The following CAPN10 variants were observed in gnomAD, a reference collection of about 807,000 sequenced individuals.
The protein encoded by CAPN10 is calpain-10.
A neutral mutation model predicts 78.4 loss-of-function variants in CAPN10; 71 were observed. The observed-to-expected ratio is 0.91, with a 90% CI of 0.75 to 1.10. The LOEUF (loss-of-function observed/expected upper bound fraction) is 1.10, where lower values mean the gene tolerates loss of function less well. Among genes scored for constraint, CAPN10 ranks in the 50% least tolerant of loss-of-function variants. The pLI, the probability that CAPN10 is intolerant of heterozygous loss-of-function variation, is 0.00. For missense variants in CAPN10, 849 were observed against 924.6 expected (o/e 0.92, Z 1.06); for synonymous variants, 437 against 407.2 (o/e 1.07, Z -0.88).
At chr2:240,589,729 C>T in intron 2 of CAPN10, 1 of 461,482 alleles carries the variant, frequency 2.2e-6, no homozygotes, top group Non-Finnish European at 3.8e-6. Flanking sequence ...TCTCCTGACC[C>T]CCGGACTCCA....
chr2:240,594,268 A>T, intron 5 of CAPN10: 1 of 586,114 alleles, frequency 1.7e-6, no homozygotes. Flanking sequence ...AATAGGGCAG[A>T]CATCATCACG....
chr2:240,589,604 A>G, intron 2 of CAPN10, 130 bp downstream of exon 2: 1 of 1,199,708 alleles, frequency 8.3e-7, no homozygotes, highest in Non-Finnish European at 1.1e-6. Flanking sequence ...TGTTGGGGGA[A>G]GGCAGGAGAG....
Position 240,598,515 on chromosome 2 carries a change from TC to T in CAPN10, c.1989+120del, listed in dbSNP as rs1406067491. On this transcript the variant is annotated intron_variant, in intron 11 of 11. Coordinates refer to ENST00000391984, the MANE Select transcript of CAPN10 (RefSeq NM_023083.4). ...TGGGACGTGAGGTGCCCTTGACTCT[TC>T]CTGTGAGAGCCCCGGGCGGTGCCTT... The T allele has an allele frequency of 4.8e-6, 7 of 1,453,454 alleles. No individual in the cohort carries two copies. The Admixed American group carries it at 9.2e-5, about 19-fold the overall frequency. 90.0% of individuals were successfully genotyped at this position (1,453,454 alleles called of 1,614,324 possible).
At chr2:240,588,469 G>A (rs1042100695) in intron 1 of CAPN10, among the ~76,000 whole-genome samples, 4 of 152,184 alleles carry the variant, frequency 2.6e-5, no homozygotes, top group Admixed American at 1.3e-4. Context: ...GAGGACACCC[G>A]GGGAGCATGC....
intron 4 of CAPN10, among the ~76,000 whole-genome samples, chr2:240,593,449 C>T (rs111666715): frequency 2.0e-5 from 3 of 152,246 alleles, no homozygotes; most frequent in Admixed American, 6.5e-5. Context: ...CTGTTGCCCC[C>T]CTGGGCCTCC....
intron 9 of CAPN10, among the ~76,000 whole-genome samples, chr2:240,597,263 CG>C (rs770299027): frequency 4.0e-4 from 61 of 152,180 alleles, no homozygotes; most frequent in Non-Finnish European, 1.9e-4. Context: ...TTGAGACCAG[CG>C]GGGGTGGGTC....
In CAPN10 at chr2:240,594,715, G is replaced by A. The variant is rs773159070; in HGVS notation, c.997+6G>A. 2 of 1,610,128 alleles carry A rather than the reference G, an allele frequency of 1.2e-6. No homozygotes were observed. Among genetic ancestry groups the A allele is most frequent in the Non-Finnish European group, 8.5e-7 (1 of 1,177,696 alleles). On this transcript the variant is annotated splice_donor_region_variant and intron_variant, in intron 6 of 11. Transcript: ENST00000391984. The stretch of plus-strand genomic sequence containing the variant: ...CCTGCAGAGCCTCTACACAGGTAGT[G>A]CCCCGAGGGGCTGTGCTGGGCACGT...
At position 240,594,387 on chromosome 2, in the gene CAPN10, G is replaced by C. The variant is rs1185498835; in HGVS notation, c.831-156G>C. On this transcript the variant is annotated intron_variant, in intron 5 of 11. Coordinates refer to ENST00000391984, the MANE Select transcript of CAPN10 (RefSeq NM_023083.4). ...CCAGAAGGCCCTGTGCTGCAGAGCT[G>C]CTTCGGGTGTGGGAGGGGCTGCAGA... 6.5e-6 allele frequency: 5 copies of C among 763,984 alleles called. No homozygotes were observed. The Admixed American group carries it at 6.9e-5, about 11-fold the overall frequency. The allele number at this position is 763,984 out of a possible 1,614,324, so 47.3% of individuals were successfully genotyped here.
At chr2:240,590,579 C>T (rs1203379427) in intron 2 of CAPN10, 10 of 506,234 alleles carry the variant, frequency 2.0e-5, no homozygotes, top group East Asian at 3.3e-5. Flanking sequence ...GAGTTCTCTG[C>T]GACATCCAGG....
At chr2:240,598,196 TCTGTCCTGGCAGACCAGGG>T (rs1158794576) in intron 10 of CAPN10, 109 bp downstream of exon 10, 1 of 1,332,554 alleles carries the variant, frequency 7.5e-7, no homozygotes, top group African/African-American at 1.5e-5. Flanking sequence ...CAAGCCCCTA[TCTGTCCTGGCAGACCAGGG>T]CTGTCCTGCC....
In CAPN10 at chr2:240,592,169, A is replaced by G; in HGVS notation, c.688+19A>G. The G allele has an allele frequency of 6.5e-7, 1 of 1,546,218 alleles. No homozygotes were observed. Among genetic ancestry groups the G allele is most frequent in the Non-Finnish European group, 8.7e-7 (1 of 1,142,928 alleles). On this transcript the variant is annotated intron_variant, in intron 4 of 11. Transcript: ENST00000391984. Reference sequence around the variant, plus strand: ...AGAGCAGGTGAGGCACGTGGCCAGCATGGGAGGGCTGCAGCCAGCGTGCCC... The same window carrying G: ...AGAGCAGGTGAGGCACGTGGCCAGCGTGGGAGGGCTGCAGCCAGCGTGCCC...
intron 10 of CAPN10, 128 bp from the exon 11 acceptor site, chr2:240,598,224 C>A: frequency 1.4e-6 from 2 of 1,401,844 alleles, no homozygotes; most frequent in Non-Finnish European, 2.0e-6. Context: ...GGCTGTCCTG[C>A]CTACCTGGGG....
At position 240,593,954 on chromosome 2, in the gene CAPN10, G is replaced by C. The variant is rs779070069; in HGVS notation, c.737G>C (p.Arg246Pro). ...EFHAFIVSDL[R>P]ELQGQAGQCI... Reference sequence around the variant, plus strand: ...CATGCCTTCATTGTCTCGGACCTGCGGGAGCTCCAGGGTCAGGCGGGCCAG... The same window carrying C: ...CATGCCTTCATTGTCTCGGACCTGCCGGAGCTCCAGGGTCAGGCGGGCCAG... The change falls in exon 5 of 12, where the codon CGG (arginine) becomes CCG (proline). Residue 246 changes from arginine (R) to proline (P), a missense_variant. Coordinates refer to ENST00000391984, the MANE Select transcript of CAPN10 (RefSeq NM_023083.4). 1.9e-6 allele frequency: 3 copies of C among 1,610,184 alleles called. No individual in the cohort carries two copies. Among genetic ancestry groups the C allele is most frequent in the South Asian group, 1.1e-5 (1 of 90,806 alleles).
chr2:240,595,927 T>C, intron 7 of CAPN10: 1 of 1,335,424 alleles, frequency 7.5e-7, no homozygotes, highest in Non-Finnish European at 9.9e-7. Flanking sequence ...CTTGTGTGTC[T>C]TGACAGGGTG....
intron 7 of CAPN10, 162 bp from the exon 8 acceptor site, chr2:240,596,157 G>A: frequency 6.7e-7 from 1 of 1,496,624 alleles, no homozygotes; most frequent in Non-Finnish European, 8.9e-7. Context: ...GGATTGGTGG[G>A]CATCTCTAGC....
chr2:240,595,342 G>A, intron 7 of CAPN10, 38 bp downstream of exon 7: 1 of 1,600,940 alleles, frequency 6.2e-7, no homozygotes. Flanking sequence ...CGGTTCAGCA[G>A]GTGGTGTGGA....
In CAPN10 at chr2:240,591,913, A is replaced by G. The variant is rs992997274; in HGVS notation, c.471-20A>G. ...TGCTCAATGCCAGAGGCTCACTCCC[A>G]TGGTGATTGTGTCCCCTAGGGTCCA... On this transcript the variant is annotated intron_variant, in intron 3 of 11. Coordinates refer to ENST00000391984, the MANE Select transcript of CAPN10 (RefSeq NM_023083.4). 3 of 1,605,554 alleles carry G rather than the reference A, an allele frequency of 1.9e-6. No individual in the cohort carries two copies. The highest frequency in any genetic ancestry group is 2.7e-5 in the African/African-American group (2 of 74,842).
rs749619140 is a variant in CAPN10 at position 240,597,989 on chromosome 2, C to T, written c.1845C>T (p.Leu615=). The T allele has an allele frequency of 3.7e-6, 6 of 1,612,994 alleles. No individual in the cohort carries two copies. Among genetic ancestry groups the T allele is most frequent in the Non-Finnish European group, 5.1e-6 (6 of 1,179,928 alleles). Residue 615 remains leucine, a synonymous_variant, in exon 10 of 12, where the codon CTC becomes CTT. Coordinates refer to ENST00000391984, the MANE Select transcript of CAPN10 (RefSeq NM_023083.4). ...GCTACGCCCAGGAGGTGAGCCGGCT[C>T]TGCCTCCTGCCTGCGGGCACCTACA... ...PHRYAQEVSR[L]CLLPAGTYKV...
At chr2:240,594,969 GGGAGGCCAGCGA>G in intron 6 of CAPN10, 43 bp from the exon 7 acceptor site, 1 of 1,583,770 alleles carries the variant, frequency 6.3e-7, no homozygotes. Flanking sequence ...CCACCATGGC[GGGAGGCCAGCGA>G]GGAGCCGTGT....
Sources: gnomAD v4.1 joint callset for allele counts (sites outside exome capture counted in the v4.1 genomes callset) on GRCh38, gnomAD v4.1.1 for gene constraint, MANE v1.5 for transcripts, NCBI Gene and HGNC (gene_info 2026-07-23, HGNC 2026-07-21) for gene names.